FAM178B: variants seen among roughly 807,000 people sequenced by gnomAD.
FAM178B encodes protein FAM178B.
A neutral mutation model predicts 91.7 loss-of-function variants in FAM178B; 82 were observed. That is an observed-to-expected ratio of 0.89 (90% confidence interval 0.75 to 1.07). FAM178B has a LOEUF of 1.07. Among genes scored for constraint, FAM178B ranks in the 50% least tolerant of loss-of-function variants. The pLI is 0.00. For missense variants in FAM178B, 769 were observed against 846.7 expected (o/e 0.91, Z 1.14); for synonymous variants, 368 against 359.4 (o/e 1.02, Z -0.27).
chr2:96,985,476 G>C (rs2082411457), intron 1 of FAM178B, among the ~76,000 whole-genome samples: 1 of 152,006 alleles, frequency 6.6e-6, no homozygotes, highest in African/African-American at 2.4e-5. Flanking sequence ...CCTCCCTCGC[G>C]TCCTCGCAGT....
intron 8 of FAM178B, among the ~76,000 whole-genome samples, chr2:96,941,792 A>G (rs1294934467): frequency 6.6e-6 from 1 of 152,150 alleles, no homozygotes; most frequent in Non-Finnish European, 1.5e-5. Flanking sequence ...CGCAAGCTCT[A>G]CTCCTTTCTA....
rs184660549 is a variant in FAM178B at position 96,904,441 on chromosome 2, G to A, written c.1563-1734C>T. ...GGCTGGAGTGCAATGGCATGATCTC[G>A]GCTCACTGTAACCTCTGCCTCCCGG... On this transcript the variant is annotated intron_variant, in intron 12 of 16. Transcript: ENST00000490605. Among the ~76,000 whole-genome samples, 9 of 152,032 alleles carry A rather than the reference G, an allele frequency of 5.9e-5. No individual in the cohort carries two copies. The East Asian group carries it at 1.7e-3, about 29-fold the overall frequency.
At chr2:96,885,047 C>A (rs1315716130) in intron 14 of FAM178B, among the ~76,000 whole-genome samples, 2 of 152,238 alleles carry the variant, frequency 1.3e-5, no homozygotes, top group African/African-American at 4.8e-5. Context: ...ACTGGTGGGG[C>A]CTGCCAGGCA....
intron 14 of FAM178B, among the ~76,000 whole-genome samples, chr2:96,891,255 C>A (rs1186707975): frequency 6.6e-6 from 1 of 152,196 alleles, no homozygotes; most frequent in Non-Finnish European, 1.5e-5. Context: ...TAATTACAAA[C>A]GATGTGCTGG....
chr2:96,912,836 GC>G (rs2081181570), intron 12 of FAM178B, among the ~76,000 whole-genome samples: 1 of 152,150 alleles, frequency 6.6e-6, no homozygotes, highest in Non-Finnish European at 1.5e-5. Flanking sequence ...GGCCTTGACT[GC>G]CTCCTTCCAG....
rs188767521 is a variant in FAM178B, at chr2:96,901,454, G to A, written c.1650+1166C>T. Among the ~76,000 whole-genome samples the A allele has an allele frequency of 3.2e-4, 48 of 152,272 alleles. 2 individuals carry two copies. The highest frequency in any genetic ancestry group is 2.9e-3 in the Admixed American group (44 of 15,298). On this transcript the variant is annotated intron_variant, in intron 13 of 16. Coordinates refer to ENST00000490605, the MANE Select transcript of FAM178B (RefSeq NM_001122646.3). ...CTCCCAAAGTGCTGGGATTACAGGC[G>A]TGAGCCACCACGCCCGGCTCAGAAG...
chr2:96,975,911 T>A (rs1011505764), intron 1 of FAM178B, among the ~76,000 whole-genome samples: 1 of 151,272 alleles, frequency 6.6e-6, no homozygotes, highest in Non-Finnish European at 1.5e-5. Flanking sequence ...CCGCGCCCGA[T>A]CTAATATACT....
intron 14 of FAM178B, among the ~76,000 whole-genome samples, chr2:96,889,724 A>ATAC (rs1461044753): frequency 1.2e-5 from 1 of 86,956 alleles, no homozygotes; most frequent in Non-Finnish European, 2.2e-5. Context: ...AAATAAATAC[A>ATAC]AAAAAAAATA....
At chr2:96,893,106 T>C (rs1414619172) in intron 14 of FAM178B, among the ~76,000 whole-genome samples, 1 of 152,188 alleles carries the variant, frequency 6.6e-6, no homozygotes, top group African/African-American at 2.4e-5. Flanking sequence ...AGGTTGGACT[T>C]CTGTATCAAC....
At chr2:96,971,780 G>T in intron 3 of FAM178B, 121 bp downstream of exon 3, 3 of 971,958 alleles carry the variant, frequency 3.1e-6, no homozygotes, top group Non-Finnish European at 4.3e-6. Flanking sequence ...TGGTCAAGGT[G>T]AAGTGTCCGA....
intron 8 of FAM178B, among the ~76,000 whole-genome samples, chr2:96,936,812 A>T (rs2081640077): frequency 6.6e-6 from 1 of 151,560 alleles, no homozygotes; most frequent in Non-Finnish European, 1.5e-5. Flanking sequence ...CACCTGGCTA[A>T]CAAAAGCGTT....
rs565613750 is a variant in FAM178B at position 96,876,797 on chromosome 2, G to A, written c.2008-489C>T. ...GGGGGTGGTCCTCACCAGGTCCTGT[G>A]CCCCTCCATAGAGGACTGGGGGCTC... On this transcript the variant is annotated intron_variant, in intron 16 of 16. Coordinates refer to ENST00000490605, the MANE Select transcript of FAM178B (RefSeq NM_001122646.3). Among the ~76,000 whole-genome samples the A allele has an allele frequency of 7.9e-5, 12 of 152,164 alleles. No homozygotes were observed. In the South Asian group the frequency reaches 1.9e-3, roughly 24 times the overall value.
chr2:96,948,018 G>T, intron 7 of FAM178B, 116 bp from the exon 8 acceptor site: 1 of 627,266 alleles, frequency 1.6e-6, no homozygotes, highest in South Asian at 2.0e-5. Flanking sequence ...ATTCTCATAA[G>T]TCTGTGTGGT....
At chr2:96,896,265 T>C (rs2080822012) in intron 13 of FAM178B, among the ~76,000 whole-genome samples, 1 of 152,162 alleles carries the variant, frequency 6.6e-6, no homozygotes, top group South Asian at 2.1e-4. Flanking sequence ...GTTTTTCCTC[T>C]CACTCATGAA....
intron 3 of FAM178B, among the ~76,000 whole-genome samples, chr2:96,971,661 C>G (rs948844790): frequency 6.6e-6 from 1 of 152,176 alleles, no homozygotes; most frequent in African/African-American, 2.4e-5. Context: ...TTTGTTGCCA[C>G]CCAAAGCCAT....
At chr2:96,921,383 T>C (rs1250761199) in intron 11 of FAM178B, 95 bp downstream of exon 11, 3 of 1,509,418 alleles carry the variant, frequency 2.0e-6, no homozygotes, top group East Asian at 2.5e-5. Context: ...TCCGATGACC[T>C]CCAGGCAGTG....
intron 12 of FAM178B, among the ~76,000 whole-genome samples, chr2:96,920,648 A>G (rs2081321396): frequency 6.6e-6 from 1 of 152,186 alleles, no homozygotes; most frequent in African/African-American, 2.4e-5. Flanking sequence ...CACGCTAGGC[A>G]CTGTTCTAGA....
chr2:96,904,991 G>C (rs578166807), intron 12 of FAM178B, among the ~76,000 whole-genome samples: 27 of 151,638 alleles, frequency 1.8e-4, no homozygotes, highest in African/African-American at 6.3e-4. Flanking sequence ...TTGAACTCCT[G>C]ACCTCATGAT....
chr2:96,977,857 CCA>C, intron 1 of FAM178B: 1 of 450,614 alleles, frequency 2.2e-6, no homozygotes, highest in Middle Eastern at 3.3e-4. Context: ...TTTTGCTGTT[CCA>C]GTTTTGGCTG....
Sources: allele counts gnomAD v4.1 joint callset (sites outside exome capture counted in the v4.1 genomes callset), GRCh38; gene constraint gnomAD v4.1.1; transcripts MANE v1.5; gene names NCBI Gene and HGNC (gene_info 2026-07-23, HGNC 2026-07-21).